RALYL: variants seen among roughly 807,000 people sequenced by gnomAD.
The protein encoded by RALYL is RALY RNA binding protein like.
In RALYL, 29 loss-of-function variants were observed where a neutral mutation model predicts 35.1. The observed-to-expected ratio is 0.83, with a 90% CI of 0.61 to 1.13. The LOEUF is 1.13. RALYL is among the 50% of genes most tolerant of loss of function. The probability of loss-of-function intolerance (pLI) is 0.00; values close to 1 mark genes in which losing one functional copy is unlikely to be tolerated. For missense variants in RALYL, 359 were observed against 360.4 expected, an observed-to-expected ratio of 1.00 and a Z score of 0.03; for synonymous variants, 120 against 127.6, an observed-to-expected ratio of 0.94 and a Z score of 0.40.
At chr8:84,811,485 G>C (rs966223636) in intron 4 of RALYL, among the ~76,000 whole-genome samples, 1 of 152,116 alleles carries the variant, frequency 6.6e-6, no homozygotes, top group African/African-American at 2.4e-5. Context: ...CTTGATGACA[G>C]TGTGCCTAGG....
intron 1 of RALYL, among the ~76,000 whole-genome samples, chr8:84,524,330 G>A: frequency 6.6e-6 from 1 of 152,100 alleles, no homozygotes; most frequent in East Asian, 1.9e-4. Flanking sequence ...CATTTATGCA[G>A]CCAAAAAACA....
intron 1 of RALYL, among the ~76,000 whole-genome samples, chr8:84,473,737 G>A (rs1480566936): frequency 6.6e-6 from 1 of 151,616 alleles, no homozygotes; most frequent in Non-Finnish European, 1.5e-5. Flanking sequence ...ATTTTCAGTT[G>A]AGAAAATGTG....
At chr8:84,273,320 T>C (rs561421176) in intron 1 of RALYL, among the ~76,000 whole-genome samples, 1 of 152,366 alleles carries the variant, frequency 6.6e-6, no homozygotes, top group Admixed American at 6.5e-5. Flanking sequence ...TCAGGTCCTC[T>C]CTGGCTTTGG....
intron 1 of RALYL, among the ~76,000 whole-genome samples, chr8:84,266,337 C>T (rs1833289504): frequency 6.6e-6 from 1 of 151,978 alleles, no homozygotes; most frequent in Non-Finnish European, 1.5e-5. Context: ...AAAAGTTTTG[C>T]CCCTGGAATA....
chr8:84,642,632 A>C (rs1008173763), intron 2 of RALYL, among the ~76,000 whole-genome samples: 1 of 152,096 alleles, frequency 6.6e-6, no homozygotes, highest in Non-Finnish European at 1.5e-5. Flanking sequence ...AATAGGCCAT[A>C]CTATGTAACC....
intron 1 of RALYL, among the ~76,000 whole-genome samples, chr8:84,493,467 T>C (rs1447747545): frequency 6.6e-6 from 1 of 152,128 alleles, no homozygotes; most frequent in Non-Finnish European, 1.5e-5. Flanking sequence ...GTATTTCTGG[T>C]TCTAAATCCT....
intron 1 of RALYL, among the ~76,000 whole-genome samples, chr8:84,373,461 T>C (rs1337615599): frequency 2.0e-5 from 3 of 152,064 alleles, no homozygotes; most frequent in African/African-American, 7.2e-5. Context: ...CTCAGCATCA[T>C]TTAGTGAACA....
chr8:84,182,944 GGTAACTACCT>G (rs1353199642), upstream of RALYL: 1 of 152,336 alleles, frequency 6.6e-6, no homozygotes, highest in Non-Finnish European at 1.5e-5. Context: ...TCTCTCCCCA[GGTAACTACCT>G]GTAGATGAAA....
intron 1 of RALYL, among the ~76,000 whole-genome samples, chr8:84,449,813 C>A (rs1316999545): frequency 6.6e-6 from 1 of 151,976 alleles, no homozygotes; most frequent in Non-Finnish European, 1.5e-5. Flanking sequence ...TATGAGAAGG[C>A]ACTAAGATGA....
chr8:84,518,045 C>T (rs909915914), intron 1 of RALYL, among the ~76,000 whole-genome samples: 10 of 152,030 alleles, frequency 6.6e-5, no homozygotes, highest in Admixed American at 2.0e-4. Context: ...ACTTATTCTC[C>T]GAAGTTTGAA....
At chr8:84,183,199 G>C (rs1811677719), upstream of RALYL, 1 of 154,220 alleles carries the variant, frequency 6.5e-6, no homozygotes, top group African/African-American at 2.4e-5. Context: ...CCCTCTCGCC[G>C]GCGCCCTGCC....
At chr8:84,379,285 G>A (rs1857490975) in intron 1 of RALYL, among the ~76,000 whole-genome samples, 1 of 151,840 alleles carries the variant, frequency 6.6e-6, no homozygotes, top group Non-Finnish European at 1.5e-5. Flanking sequence ...AATAGCAGTG[G>A]CAAGAAAAGT....
chr8:84,793,946 C>G (rs1242800496), intron 3 of RALYL, among the ~76,000 whole-genome samples: 1 of 152,118 alleles, frequency 6.6e-6, no homozygotes. Flanking sequence ...TTGTAGTTCA[C>G]CAAGTCTATG....
intron 2 of RALYL, among the ~76,000 whole-genome samples, chr8:84,562,588 G>T (rs907095792): frequency 5.9e-5 from 9 of 151,886 alleles, no homozygotes; most frequent in African/African-American, 9.7e-5. Flanking sequence ...AAATGGAACA[G>T]ATGGGCATCC....
intron 1 of RALYL, among the ~76,000 whole-genome samples, chr8:84,491,040 C>A (rs746433240): frequency 6.6e-6 from 1 of 151,798 alleles, no homozygotes; most frequent in South Asian, 2.1e-4. Flanking sequence ...CGGGGAAGAA[C>A]GTTTTTTGCC....
chr8:84,330,357 CTTATT>C, intron 1 of RALYL, among the ~76,000 whole-genome samples: 1 of 152,000 alleles, frequency 6.6e-6, no homozygotes, highest in South Asian at 2.1e-4. Flanking sequence ...TATTTACAAA[CTTATT>C]TTAGTAATTT....
intron 4 of RALYL, among the ~76,000 whole-genome samples, chr8:84,821,767 T>C (rs899620233): frequency 1.3e-5 from 2 of 152,306 alleles, no homozygotes; most frequent in South Asian, 2.1e-4. Context: ...AATCAATAGC[T>C]GCCAACTATT....
chr8:84,619,093 G>T, intron 2 of RALYL, among the ~76,000 whole-genome samples: 1 of 150,890 alleles, frequency 6.6e-6, no homozygotes, highest in African/African-American at 2.5e-5. Flanking sequence ...GGACAGTTCT[G>T]TAGATGTCTA....
intron 2 of RALYL, among the ~76,000 whole-genome samples, chr8:84,702,758 A>G (rs2132334600): frequency 6.6e-6 from 1 of 152,242 alleles, no homozygotes; most frequent in East Asian, 1.9e-4. Context: ...TCCTTCCATC[A>G]ATAAATGAAA....
Sources: allele counts gnomAD v4.1 joint callset (sites outside exome capture counted in the v4.1 genomes callset), GRCh38; gene constraint gnomAD v4.1.1; transcripts MANE v1.5; gene names NCBI Gene and HGNC (gene_info 2026-07-23, HGNC 2026-07-21).